The following DDX6 variants were observed in gnomAD, a reference collection of about 807,000 sequenced individuals.
DDX6 encodes the protein probable ATP-dependent RNA helicase DDX6.
In DDX6, 7 loss-of-function variants were observed where a neutral mutation model predicts 60.6. The observed-to-expected ratio is 0.12, with a 90% CI of 0.07 to 0.22. The LOEUF is 0.22. Ranked by LOEUF, DDX6 falls within the 10% of genes least tolerant of loss-of-function variation. The pLI is 1.00. For missense variants in DDX6, 270 were observed against 589.9 expected (o/e 0.46, Z 5.62); for synonymous variants, 207 against 201.0 (o/e 1.03, Z -0.25).
At position 118,759,937 on chromosome 11, in the gene DDX6, A is replaced by G. The variant is rs1861108793; in HGVS notation, c.849T>C (p.Ser283=). The G allele has an allele frequency of 6.2e-7, 1 of 1,613,572 alleles. No individual in the cohort carries two copies. Among genetic ancestry groups the G allele is most frequent in the South Asian group, 1.1e-5 (1 of 91,062 alleles). ...ILLYSATFPL[S]VQKFMNSHLQ... ...TTATACTCACCATGAACTTCTGTAC[A>G]CTAAGAGGGAAAGTAGCGGAATATA... Residue 283 remains serine, a synonymous_variant, in exon 8 of 14, where the codon AGT becomes AGC. Coordinates refer to ENST00000534980, the MANE Select transcript of DDX6 (RefSeq NM_004397.6).
rs561196857 is a variant in DDX6 at position 118,758,763 on chromosome 11, C to T, written c.993+11G>A. 6.2e-7 allele frequency: 1 copy of T among 1,612,794 alleles called. No individual in the cohort carries two copies. The highest frequency in any genetic ancestry group is 1.3e-5 in the African/African-American group (1 of 75,000). On this transcript the variant is annotated intron_variant, in intron 9 of 13. Transcript: ENST00000534980. ...AGAGATAATATTCAACAGCAGAAGCCTACTTCTTACCCTGGAGAAAAGTGT... is the reference window on the plus strand; with the variant it reads ...AGAGATAATATTCAACAGCAGAAGCTTACTTCTTACCCTGGAGAAAAGTGT...
At chr11:118,784,623 T>A (rs1862013323) in intron 2 of DDX6, among the ~76,000 whole-genome samples, 1 of 152,100 alleles carries the variant, frequency 6.6e-6, no homozygotes, top group Admixed American at 6.6e-5. Context: ...CACACCCAGC[T>A]GATTTTTGTA....
chr11:118,761,329 G>A (rs1208779647), intron 7 of DDX6, among the ~76,000 whole-genome samples: 1 of 151,188 alleles, frequency 6.6e-6, no homozygotes, highest in Non-Finnish European at 1.5e-5. Context: ...GAAAAAACTT[G>A]GCTAAGGCCA....
At chr11:118,785,871 A>T (rs1455711672) in intron 2 of DDX6, 181 bp downstream of exon 2, 3 of 521,898 alleles carry the variant, frequency 5.7e-6, no homozygotes, top group Admixed American at 3.9e-5. Context: ...CTTGCTGAAC[A>T]AATTATGGCA....
intron 6 of DDX6, among the ~76,000 whole-genome samples, chr11:118,764,739 G>A (rs1861291203): frequency 6.6e-6 from 1 of 151,126 alleles, no homozygotes; most frequent in Non-Finnish European, 1.5e-5. Flanking sequence ...GGGAGGCGGA[G>A]ATTGCAGTGA....
At chr11:118,763,644 G>C (rs936405245) in intron 6 of DDX6, among the ~76,000 whole-genome samples, 3 of 152,040 alleles carry the variant, frequency 2.0e-5, no homozygotes, top group Admixed American at 2.0e-4. Context: ...GACCAGCCTG[G>C]CCAACACGGT....
At chr11:118,790,032 G>A (rs1040869019) in intron 1 of DDX6, 1 of 152,208 alleles carries the variant, frequency 6.6e-6, no homozygotes, top group South Asian at 2.1e-4. Flanking sequence ...GCAATTGACA[G>A]TTTCACACCC....
At chr11:118,757,120 A>C (rs1861004154) in intron 10 of DDX6, 51 bp downstream of exon 10, 1 of 966,300 alleles carries the variant, frequency 1.0e-6, no homozygotes, top group African/African-American at 1.7e-5. Flanking sequence ...AAAACAAAAT[A>C]AAGAAAGAGA....
At chr11:118,766,097 T>C (rs527958276) in intron 5 of DDX6, among the ~76,000 whole-genome samples, 2 of 151,862 alleles carry the variant, frequency 1.3e-5, no homozygotes, top group South Asian at 4.2e-4. Flanking sequence ...AAAGAAACAC[T>C]GCCCCTTATA....
rs1256403670 is a variant in DDX6, at chr11:118,749,917, T to C, written c.*2188A>G. On this transcript the variant is annotated 3_prime_UTR_variant, in exon 14 of 14. Coordinates refer to ENST00000534980, the MANE Select transcript of DDX6 (RefSeq NM_004397.6). Reference sequence around the variant, plus strand: ...CCAAATAGATGAGCTTGTTCTTTTTTGGGTTTGTACCGTGCAGTTCTTGCT... The same window carrying C: ...CCAAATAGATGAGCTTGTTCTTTTTCGGGTTTGTACCGTGCAGTTCTTGCT... 6.6e-6 allele frequency: 1 copy of C among 152,622 alleles called. No homozygotes were observed. Among genetic ancestry groups the C allele is most frequent in the Non-Finnish European group, 1.5e-5 (1 of 68,046 alleles). 9.5% of individuals were successfully genotyped at this position (152,622 alleles called of 1,614,324 possible). A position where few individuals can be genotyped will look rare whatever the true frequency, so the allele number is the denominator to read the frequency against.
intron 8 of DDX6, among the ~76,000 whole-genome samples, chr11:118,759,648 C>T (rs1400441607): frequency 6.6e-6 from 1 of 152,110 alleles, no homozygotes; most frequent in East Asian, 1.9e-4. Context: ...TAGAATAATA[C>T]CGGAATCAAT....
chr11:118,762,448 C>T (rs1419221640), intron 7 of DDX6, among the ~76,000 whole-genome samples: 4 of 151,984 alleles, frequency 2.6e-5, no homozygotes, highest in East Asian at 3.9e-4. Context: ...TGAACATCAT[C>T]GCTCAGCCTA....
intron 1 of DDX6, chr11:118,790,369 C>T (rs1862230694): frequency 6.6e-6 from 1 of 152,138 alleles, no homozygotes. Flanking sequence ...TAGGGACTCC[C>T]CCAAGGAGGC....
rs782803719 is a variant in DDX6 at position 118,779,629 on chromosome 11, T to C, written c.369+3A>G. 3.1e-6 allele frequency: 5 copies of C among 1,596,420 alleles called. No homozygotes were observed. Among genetic ancestry groups the C allele is most frequent in the Admixed American group, 3.4e-5 (2 of 58,934 alleles). On this transcript the variant is annotated splice_donor_region_variant and intron_variant, in intron 4 of 13. Coordinates refer to ENST00000534980, the MANE Select transcript of DDX6 (RefSeq NM_004397.6). ...ACATATGTGATAAAAAGGGTTAACATACCTGAATAGGAGATGGCTTTTCCC... is the reference window on the plus strand; with the variant it reads ...ACATATGTGATAAAAAGGGTTAACACACCTGAATAGGAGATGGCTTTTCCC...
At chr11:118,781,009 G>A in intron 3 of DDX6, 112 bp downstream of exon 3, 2 of 660,838 alleles carry the variant, frequency 3.0e-6, no homozygotes, top group South Asian at 1.8e-5. Flanking sequence ...GAGGAGGAGG[G>A]TGGCAGTGGT....
At chr11:118,767,346 T>A (rs1555161425) in intron 5 of DDX6, among the ~76,000 whole-genome samples, 1 of 152,192 alleles carries the variant, frequency 6.6e-6, no homozygotes, top group African/African-American at 2.4e-5. Flanking sequence ...TCTATTTACA[T>A]CATATGAAAG....
intron 2 of DDX6, among the ~76,000 whole-genome samples, chr11:118,782,446 A>G (rs1205091617): frequency 1.3e-5 from 2 of 152,110 alleles, no homozygotes; most frequent in African/African-American, 2.4e-5. Context: ...ATCTGCAGAC[A>G]AAGTATTTAA....
intron 12 of DDX6, 22 bp from the exon 13 acceptor site, chr11:118,754,909 A>G (rs782570283): frequency 3.8e-6 from 6 of 1,573,164 alleles, no homozygotes; most frequent in Non-Finnish European, 5.2e-6. Flanking sequence ...GCGTTTAAAA[A>G]TTTTAATGAA....
chr11:118,786,479 C>G lies in DDX6; in HGVS notation c.-228G>C. 1 of 356,266 alleles carries G rather than the reference C, an allele frequency of 2.8e-6. No individual in the cohort carries two copies. Among genetic ancestry groups the G allele is most frequent in the Non-Finnish European group, 5.0e-6 (1 of 199,250 alleles). 22.1% of individuals were successfully genotyped at this position (356,266 alleles called of 1,614,324 possible). A position where few individuals can be genotyped will look rare whatever the true frequency, so the allele number is the denominator to read the frequency against. On this transcript the variant is annotated 5_prime_UTR_variant, in exon 2 of 14. Transcript: ENST00000534980. ...CAACTTTTTATTTTTAAAAAGCCCT[C>G]TAACAAGCTTGAGTTATATCTGAAT...
Sources: gnomAD v4.1 joint callset for allele counts (sites outside exome capture counted in the v4.1 genomes callset) on GRCh38, gnomAD v4.1.1 for gene constraint, MANE v1.5 for transcripts, NCBI Gene and HGNC (gene_info 2026-07-23, HGNC 2026-07-21) for gene names.